Variants in SPMIP11 observed in about 807,000 individuals in gnomAD.
The protein encoded by SPMIP11 is long intergenic non-protein coding RNA 935.
At chr12:48,762,356 C>CATTTTTTTTT in the SPMIP11 span, among the ~76,000 whole-genome samples, 1 of 61,222 alleles carries the variant, frequency 1.6e-5, no homozygotes, top group African/African-American at 9.8e-5. Context: ...CCCCGCCCAG[C>CATTTTTTTTT]TTTTTTTTTT....
At chr12:48,728,187 G>T in the SPMIP11 span, among the ~76,000 whole-genome samples, 6 of 152,194 alleles carry the variant, frequency 3.9e-5, no homozygotes, top group Non-Finnish European at 5.9e-5. Context: ...TAAGACCTCT[G>T]CTATAAAGTG....
At chr12:48,765,697 G>A in the SPMIP11 span, 4 of 702,390 alleles carry the variant, frequency 5.7e-6, no homozygotes, top group Non-Finnish European at 5.2e-6. Context: ...TGTGGCAAGA[G>A]TGCAGAGGGG....
At chr12:48,769,217 G>A in the SPMIP11 span, among the ~76,000 whole-genome samples, 10 of 152,010 alleles carry the variant, frequency 6.6e-5, no homozygotes, top group East Asian at 1.9e-4. Flanking sequence ...AGACGAGCCT[G>A]GCCAACATGG....
chr12:48,760,614 C>T, the SPMIP11 span, among the ~76,000 whole-genome samples: 1 of 152,202 alleles, frequency 6.6e-6, no homozygotes, highest in African/African-American at 2.4e-5. Flanking sequence ...GCAACCTCCG[C>T]CTCCCTTGTT....
chr12:48,771,199 T>G, the SPMIP11 span: 2 of 577,362 alleles, frequency 3.5e-6, no homozygotes, highest in Non-Finnish European at 6.2e-6. This position sits in a 1 kb window ranked among gnomAD's most constrained non-coding sequence, Gnocchi z 4.3. Context: ...AGTAGCTCAC[T>G]CACAGAACAC....
At chr12:48,744,783 G>C in the SPMIP11 span, among the ~76,000 whole-genome samples, 26 of 149,648 alleles carry the variant, frequency 1.7e-4, no homozygotes, top group African/African-American at 6.2e-4. Context: ...GGAAGAGGAG[G>C]GGGAGGAGGA....
At chr12:48,755,127 G>C in the SPMIP11 span, among the ~76,000 whole-genome samples, 54,181 of 152,008 alleles carry the variant, frequency 0.36, 10,556 homozygotes, top group Non-Finnish European at 0.45. Context: ...GAGTCACAGG[G>C]AAACTTGTAA....
chr12:48,754,329 C>T, the SPMIP11 span, among the ~76,000 whole-genome samples: 3 of 151,978 alleles, frequency 2.0e-5, no homozygotes, highest in African/African-American at 7.2e-5. Flanking sequence ...CACTTGAGCC[C>T]AGGAGTGAGA....
chr12:48,762,047 CTT>C, the SPMIP11 span, among the ~76,000 whole-genome samples: 17 of 78,180 alleles, frequency 2.2e-4, no homozygotes, highest in African/African-American at 9.1e-4. Flanking sequence ...TTATAACATT[CTT>C]TTTTTTTTTT....
At chr12:48,763,025 C>T in the SPMIP11 span, among the ~76,000 whole-genome samples, 66 of 152,060 alleles carry the variant, frequency 4.3e-4, 1 homozygote, top group African/African-American at 1.5e-3. Context: ...CACCTGGTTT[C>T]CCCGTATTAT....
the SPMIP11 span, among the ~76,000 whole-genome samples, chr12:48,755,604 T>C: frequency 2.6e-5 from 4 of 152,100 alleles, no homozygotes; most frequent in Non-Finnish European, 4.4e-5. Flanking sequence ...ATATGCCAAT[T>C]GGTGCTTGAT....
chr12:48,742,134 C>T, the SPMIP11 span, among the ~76,000 whole-genome samples: 4 of 152,080 alleles, frequency 2.6e-5, no homozygotes, highest in African/African-American at 2.4e-5. Context: ...AGGTTGGTCT[C>T]GAGCCCCTGG....
the SPMIP11 span, among the ~76,000 whole-genome samples, chr12:48,765,151 A>G: frequency 3.8e-3 from 573 of 152,276 alleles, 4 homozygotes; most frequent in African/African-American, 0.013. Flanking sequence ...GGCCGTGATG[A>G]CATTCAAAGG....
At chr12:48,765,004 G>T in the SPMIP11 span, 1 of 702,394 alleles carries the variant, frequency 1.4e-6, no homozygotes, top group South Asian at 1.5e-5. Context: ...AGGTTAGGCT[G>T]GGAGGGGTAA....
chr12:48,732,389 C>G, the SPMIP11 span, among the ~76,000 whole-genome samples: 1 of 152,108 alleles, frequency 6.6e-6, no homozygotes, highest in Non-Finnish European at 1.5e-5. Context: ...TCAGCACCTA[C>G]AAATTCCTAC....
At chr12:48,756,765 T>C in the SPMIP11 span, among the ~76,000 whole-genome samples, 5 of 127,222 alleles carry the variant, frequency 3.9e-5, no homozygotes, top group African/African-American at 8.0e-5. Context: ...AGATGGATTT[T>C]TTTTTCTTTT....
the SPMIP11 span, chr12:48,768,368 G>C: frequency 1.6e-6 from 1 of 638,044 alleles, no homozygotes; most frequent in South Asian, 1.9e-5. Flanking sequence ...CCTACCCCAA[G>C]TAAGAAAGAA....
At chr12:48,762,356 CTTTTTTTTTTTTTT>C in the SPMIP11 span, among the ~76,000 whole-genome samples, 3 of 61,232 alleles carry the variant, frequency 4.9e-5, no homozygotes, top group African/African-American at 9.7e-5. Flanking sequence ...CCCCGCCCAG[CTTTTTTTTTTTTTT>C]TTTTTTTTTT....
At chr12:48,728,143 T>G in the SPMIP11 span, among the ~76,000 whole-genome samples, 1 of 152,194 alleles carries the variant, frequency 6.6e-6, no homozygotes, top group Non-Finnish European at 1.5e-5. Context: ...AGCACCAGGC[T>G]TTATGTGCCT....
Sources: gnomAD v4.1 joint callset for allele counts (sites outside exome capture counted in the v4.1 genomes callset) on GRCh38, gnomAD v4.1.1 for gene constraint, Gnocchi (gnomAD v3.1) non-coding constraint, MANE v1.5 for transcripts, NCBI Gene and HGNC (gene_info 2026-07-23, HGNC 2026-07-21) for gene names.